The following SCUBE3 variants were observed in gnomAD, a reference collection of about 807,000 sequenced individuals.
SCUBE3 encodes signal peptide, CUB and EGF-like domain-containing protein 3.
SCUBE3 carries 33 observed loss-of-function variants against 116.8 expected under a neutral mutation model. That is an observed-to-expected ratio of 0.28 (90% CI 0.21 to 0.38). The LOEUF (loss-of-function observed/expected upper bound fraction) is 0.38, where lower values mean the gene tolerates loss of function less well. Among genes scored for constraint, SCUBE3 ranks in the 10% least tolerant of loss-of-function variants. The probability of loss-of-function intolerance (pLI) is 1.00; values close to 1 mark genes in which losing one functional copy is unlikely to be tolerated. For missense variants in SCUBE3, 1,007 were observed against 1,324.8 expected, an observed-to-expected ratio of 0.76 and a Z score of 3.72; for synonymous variants, 418 against 496.9, an observed-to-expected ratio of 0.84 and a Z score of 2.11.
intron 13 of SCUBE3, 38 bp downstream of exon 13, chr6:35,242,358 C>G: frequency 7.3e-7 from 1 of 1,372,272 alleles, no homozygotes. Context: ...GGCTGTCTGG[C>G]CACTAAATCC....
intron 3 of SCUBE3, among the ~76,000 whole-genome samples, chr6:35,230,334 T>C (rs1783493013): frequency 6.6e-6 from 1 of 152,138 alleles, no homozygotes; most frequent in Non-Finnish European, 1.5e-5. Flanking sequence ...TCCCTATAAG[T>C]GTTTTGGGGA....
At chr6:35,238,530 A>G (rs1783877570) in intron 7 of SCUBE3, among the ~76,000 whole-genome samples, 2 of 152,172 alleles carry the variant, frequency 1.3e-5, no homozygotes, top group African/African-American at 4.8e-5. Context: ...GTCTCCTACT[A>G]GCTCTGTGAT....
At position 35,250,657 on chromosome 6, in the gene SCUBE3, C is replaced by T. The variant is rs1158111326; in HGVS notation, c.*1952C>T. The stretch of plus-strand genomic sequence containing the variant: ...TTCTGTTTTCTCACTCTAGTTCCCC[C>T]AAAGCTGTAGTCCCAATCAATCAAA... On this transcript the variant is annotated 3_prime_UTR_variant, in exon 22 of 22. Coordinates refer to ENST00000274938, the MANE Select transcript of SCUBE3 (RefSeq NM_152753.4). 1 of 152,078 alleles carries T rather than the reference C, an allele frequency of 6.6e-6. No individual in the cohort carries two copies. The highest frequency in any genetic ancestry group is 1.5e-5 in the Non-Finnish European group (1 of 68,026). The allele number at this position is 152,078 out of a possible 1,614,324, so 9.4% of individuals were successfully genotyped here.
In SCUBE3 at chr6:35,248,967, G is replaced by A. The variant is rs1784459920; in HGVS notation, c.*262G>A. The A allele has an allele frequency of 4.3e-6, 2 of 466,812 alleles. No individual in the cohort carries two copies. Among genetic ancestry groups the A allele is most frequent in the Non-Finnish European group, 7.6e-6 (2 of 261,712 alleles). 28.9% of individuals were successfully genotyped at this position (466,812 alleles called of 1,614,324 possible). A position where few individuals can be genotyped will look rare whatever the true frequency, so the allele number is the denominator to read the frequency against. On this transcript the variant is annotated 3_prime_UTR_variant, in exon 22 of 22. Coordinates refer to ENST00000274938, the MANE Select transcript of SCUBE3 (RefSeq NM_152753.4). Reference sequence around the variant, plus strand: ...TCAGTACTGGCTCTAGTCCCCGTGAGATGTAAAGAAACAGTACAGCCCCTT... The same window carrying A: ...TCAGTACTGGCTCTAGTCCCCGTGAAATGTAAAGAAACAGTACAGCCCCTT...
In SCUBE3 at chr6:35,214,229, G is replaced by A. The variant is rs1782791392; in HGVS notation, c.-190G>A. On this transcript the variant is annotated 5_prime_UTR_variant, in exon 1 of 22. Coordinates refer to ENST00000274938, the MANE Select transcript of SCUBE3 (RefSeq NM_152753.4). This position sits in a 1 kb window ranked among gnomAD's most constrained non-coding sequence, Gnocchi z 6.3. ...CTCGCTCTCCCCGACGTCCGGCCAG[G>A]AGGAGCCGGTAGCATCGGGAGCCTC... 6.6e-6 allele frequency among the ~76,000 whole-genome samples: 1 copy of A among 152,148 alleles called. No individual in the cohort carries two copies. The highest frequency in any genetic ancestry group is 6.5e-5 in the Admixed American group (1 of 15,274).
Position 35,214,538 on chromosome 6 carries a change from C to T in SCUBE3, c.85+35C>T. On this transcript the variant is annotated intron_variant, in intron 1 of 21. Coordinates refer to ENST00000274938, the MANE Select transcript of SCUBE3 (RefSeq NM_152753.4). The surrounding 1 kb of genome is among the most constrained non-coding windows in gnomAD (Gnocchi z 6.3). ...GAGGGGCGCGCGGCCTGGGGGCTGT[C>T]CTGGCTGCTGGGCCTCAGGGCCTAG... The T allele has an allele frequency of 7.3e-7, 1 of 1,366,980 alleles. No individual in the cohort carries two copies. 84.7% of individuals were successfully genotyped at this position (1,366,980 alleles called of 1,614,324 possible).
At position 35,245,306 on chromosome 6, in the gene SCUBE3, G is replaced by A. The variant is rs150725422; in HGVS notation, c.2480G>A (p.Gly827Asp). ...SPNYPGNYPA[G>D]VECIWNINPP... ...AACTACCCGGGCAACTACCCAGCTG[G>A]TGTGGAGTGCATCTGGAACATCAAC... The change falls in exon 19 of 22, where the codon GGT becomes GAT. Residue 827 changes from glycine to aspartate, a missense_variant. Physicochemically the swap from Gly to Asp is moderately conservative, Grantham distance 94. Coordinates refer to ENST00000274938, the MANE Select transcript of SCUBE3 (RefSeq NM_152753.4). The surrounding 1 kb of genome is among the most constrained non-coding windows in gnomAD (Gnocchi z 4.2). 47 of 1,614,040 alleles carry A rather than the reference G, an allele frequency of 2.9e-5. No individual in the cohort carries two copies. In the African/African-American group the frequency reaches 5.6e-4, roughly 19 times the overall value.
chr6:35,233,117 C>A lies in SCUBE3; in HGVS notation c.596-68C>A. The A allele has an allele frequency of 6.7e-7, 1 of 1,484,450 alleles. No homozygotes were observed. The highest frequency in any genetic ancestry group is 9.4e-7 in the Non-Finnish European group (1 of 1,067,434). 92.0% of individuals were successfully genotyped at this position (1,484,450 alleles called of 1,614,324 possible). ...GGCAACTAGGCAAGGGGGCCAGTAC[C>A]CACATTGTGGAAAACTGTGGATGCA... On this transcript the variant is annotated intron_variant, in intron 5 of 21. Transcript: ENST00000274938. This position sits in a 1 kb window ranked among gnomAD's most constrained non-coding sequence, Gnocchi z 5.7.
chr6:35,232,923 C>T lies in SCUBE3; in HGVS notation c.543C>T (p.Ala181=), dbSNP rs1204570678. 4 of 1,614,178 alleles carry T rather than the reference C, an allele frequency of 2.5e-6. No homozygotes were observed. The highest frequency in any genetic ancestry group is 1.6e-4 in the Middle Eastern group (1 of 6,062). ...GGGAGACACCCAAGGGGGGTATTGC[C>T]TGTGAATGCCGTCCTGGCTTTGAGC... The part of the protein sequence containing the change: ...ICRETPKGGI[A]CECRPGFELT... The change falls in exon 5 of 22, where the codon GCC becomes GCT. Residue 181 remains alanine (A), a synonymous_variant. Coordinates refer to ENST00000274938, the MANE Select transcript of SCUBE3 (RefSeq NM_152753.4). The surrounding 1 kb of genome is among the most constrained non-coding windows in gnomAD (Gnocchi z 4.2).
chr6:35,230,320 C>T (rs1365338784), intron 3 of SCUBE3, among the ~76,000 whole-genome samples: 3 of 152,188 alleles, frequency 2.0e-5, no homozygotes, highest in Non-Finnish European at 2.9e-5. Context: ...CACCACATCT[C>T]ATTTCCCTAT....
chr6:35,223,487 T>G (rs1783190664), intron 1 of SCUBE3: 1 of 152,188 alleles, frequency 6.6e-6, no homozygotes, highest in Non-Finnish European at 1.5e-5. Flanking sequence ...CTTGGGCAAA[T>G]AGTTTATTGG....
At chr6:35,248,513 C>T (rs748609225) in intron 21 of SCUBE3, 43 bp from the exon 22 acceptor site, 8 of 1,604,582 alleles carry the variant, frequency 5.0e-6, no homozygotes, top group Non-Finnish European at 6.8e-6. Context: ...TCTTTCCCAC[C>T]CCCGACGGTG....
At chr6:35,238,995 C>T (rs866797447) in intron 7 of SCUBE3, among the ~76,000 whole-genome samples, 2 of 152,156 alleles carry the variant, frequency 1.3e-5, no homozygotes, top group African/African-American at 4.8e-5. Context: ...AAAGGCTGCC[C>T]TCCCTGCCCC....
chr6:35,227,642 C>T lies in SCUBE3; in HGVS notation c.148C>T (p.Pro50Ser). The T allele has an allele frequency of 6.2e-7, 1 of 1,614,070 alleles. No individual in the cohort carries two copies. Among genetic ancestry groups the T allele is most frequent in the Non-Finnish European group, 8.5e-7 (1 of 1,179,944 alleles). The change falls in exon 2 of 22, where the codon CCG becomes TCG. Residue 50 changes from proline to serine, a missense_variant. Pro to Ser is a moderately conservative substitution (Grantham distance 74). Around this residue, in one of 5 missense-constraint regions of SCUBE3, gnomAD observed 94 missense variants for 92.0 expected, o/e 1.02. Transcript: ENST00000274938. ...CHIDAICQNT[P>S]RSYKCICKSG... is the part of the protein sequence containing the mutation. ...CATCGATGCTATCTGCCAGAACACC[C>T]CGAGGTCATACAAGTGCATCTGCAA...
chr6:35,243,729 G>C lies in SCUBE3; in HGVS notation c.2045G>C (p.Gly682Ala). 1.9e-6 allele frequency: 3 copies of C among 1,614,102 alleles called. No homozygotes were observed. Among genetic ancestry groups the C allele is most frequent in the Non-Finnish European group, 2.5e-6 (3 of 1,179,982 alleles). Residue 682 changes from glycine (G) to alanine (A), a missense_variant, in exon 16 of 22, where the codon GGA becomes GCA. By Grantham distance (60) the Gly-to-Ala change is moderately conservative (BLOSUM62 0). Transcript: ENST00000274938. The surrounding 1 kb of genome is among the most constrained non-coding windows in gnomAD (Gnocchi z 6.6). ...CPGSDAHGPLGATNVTTCAGQ... is the reference protein window; with the variant it reads ...CPGSDAHGPLAATNVTTCAGQ... ...GGGAGTGATGCCCACGGGCCTCTTGGAGCCACCAACGTCACCACGTGTGCA... is the reference window on the plus strand; with the variant it reads ...GGGAGTGATGCCCACGGGCCTCTTGCAGCCACCAACGTCACCACGTGTGCA...
chr6:35,242,099 CCCAGCCAA>C, intron 12 of SCUBE3, 97 bp from the exon 13 acceptor site: 2 of 916,662 alleles, frequency 2.2e-6, no homozygotes, highest in South Asian at 2.8e-5. Flanking sequence ...ATCTCACTCC[CCCAGCCAA>C]GCCCCTGGCT....
Position 35,231,652 on chromosome 6 carries a change from G to T in SCUBE3, c.335-73G>T. On this transcript the variant is annotated intron_variant, in intron 3 of 21. Coordinates refer to ENST00000274938, the MANE Select transcript of SCUBE3 (RefSeq NM_152753.4). This position sits in a 1 kb window ranked among gnomAD's most constrained non-coding sequence, Gnocchi z 4.2. Reference sequence around the variant, plus strand: ...GTAGTAGTTCTTAAGACTGCCTTTGGTGCTGAAGTCTTGGGATATACCCTG... The same window carrying T: ...GTAGTAGTTCTTAAGACTGCCTTTGTTGCTGAAGTCTTGGGATATACCCTG... 7.3e-7 allele frequency: 1 copy of T among 1,372,004 alleles called. No individual in the cohort carries two copies. Among genetic ancestry groups the T allele is most frequent in the Non-Finnish European group, 9.9e-7 (1 of 1,011,232 alleles). The allele number at this position is 1,372,004 out of a possible 1,614,324, so 85.0% of individuals were successfully genotyped here. A position where few individuals can be genotyped will look rare whatever the true frequency, so the allele number is the denominator to read the frequency against.
At chr6:35,242,946 C>T (rs1431178845) in intron 14 of SCUBE3, 75 bp from the exon 15 acceptor site, 1 of 1,536,918 alleles carries the variant, frequency 6.5e-7, no homozygotes, top group East Asian at 2.3e-5. Context: ...CTCCTAGCTC[C>T]CAGCTTTGCT....
In SCUBE3 at chr6:35,242,441, G is replaced by C. The variant is rs577586142; in HGVS notation, c.1534+121G>C. 4.5e-5 allele frequency: 41 copies of C among 911,592 alleles called. 1 individual carries two copies. The South Asian group carries it at 6.1e-4, about 14-fold the overall frequency. The allele number at this position is 911,592 out of a possible 1,614,324, so 56.5% of individuals were successfully genotyped here. A position where few individuals can be genotyped will look rare whatever the true frequency, so the allele number is the denominator to read the frequency against. On this transcript the variant is annotated intron_variant, in intron 13 of 21. Coordinates refer to ENST00000274938, the MANE Select transcript of SCUBE3 (RefSeq NM_152753.4). ...AACTCTAGGCAGAGCAGAGGAAAAA[G>C]CAGCTGTAGGCATAGCACCCAAGGA...
Sources: gnomAD v4.1 joint callset for allele counts (sites outside exome capture counted in the v4.1 genomes callset) on GRCh38, gnomAD v4.1.1 for gene constraint, gnomAD v4.1.1 regional missense constraint, Gnocchi (gnomAD v3.1) non-coding constraint, MANE v1.5 for transcripts, NCBI Gene and HGNC (gene_info 2026-07-23, HGNC 2026-07-21) for gene names.